Variants in ASIC2 observed in about 807,000 individuals in gnomAD.
The protein encoded by ASIC2 is acid sensing ion channel subunit 2.
A neutral mutation model predicts 57.3 loss-of-function variants in ASIC2; 25 were observed. The observed-to-expected ratio is 0.44, with a 90% CI of 0.32 to 0.61. The LOEUF (loss-of-function observed/expected upper bound fraction) is 0.61, where lower values mean the gene tolerates loss of function less well. Ranked by LOEUF, ASIC2 falls within the 20% of genes least tolerant of loss-of-function variation. The probability of loss-of-function intolerance (pLI) is 0.06; values close to 1 mark genes in which losing one functional copy is unlikely to be tolerated. For synonymous variants in ASIC2, 319 were observed against 307.5 expected (o/e 1.04, Z -0.39); for missense variants, 641 against 738.1 (o/e 0.87, Z 1.52).
At chr17:34,122,372 G>A (rs1487417108) in intron 1 of ASIC2, among the ~76,000 whole-genome samples, 2 of 152,220 alleles carry the variant, frequency 1.3e-5, no homozygotes, top group South Asian at 2.1e-4. Flanking sequence ...AATGAATGAA[G>A]GAATGAGCCA....
At chr17:33,256,929 G>C (rs1027824931) in intron 1 of ASIC2, among the ~76,000 whole-genome samples, 1 of 152,184 alleles carries the variant, frequency 6.6e-6, no homozygotes, top group Non-Finnish European at 1.5e-5. Flanking sequence ...GGTTCGCTGG[G>C]AGGTGATAGT....
chr17:33,945,445 C>T (rs2141981518), intron 1 of ASIC2, among the ~76,000 whole-genome samples: 1 of 151,826 alleles, frequency 6.6e-6, no homozygotes. Flanking sequence ...AAGTTTGGAG[C>T]CAGGAAAATG....
intron 1 of ASIC2, among the ~76,000 whole-genome samples, chr17:34,029,222 A>C (rs1371243306): frequency 6.6e-6 from 1 of 152,092 alleles, no homozygotes; most frequent in Non-Finnish European, 1.5e-5. Flanking sequence ...TCTTGTCTAC[A>C]TTCTAGGAAG....
At chr17:33,715,839 A>C (rs1262040851) in intron 1 of ASIC2, among the ~76,000 whole-genome samples, 2 of 152,136 alleles carry the variant, frequency 1.3e-5, no homozygotes, top group Admixed American at 1.3e-4. Flanking sequence ...GAAGAGCCAA[A>C]CCACATTGAT....
chr17:33,078,288 G>A (rs1315192822), intron 3 of ASIC2, among the ~76,000 whole-genome samples: 1 of 152,158 alleles, frequency 6.6e-6, no homozygotes, highest in Non-Finnish European at 1.5e-5. Context: ...GTGAGGGTGG[G>A]CACCACCAAG....
rs556157630 is a variant in ASIC2 at position 33,742,703 on chromosome 17, G to T, written c.555+413275C>A. On this transcript the variant is annotated intron_variant, in intron 1 of 9. Coordinates refer to the ASIC2 transcript ENST00000359872. The stretch of plus-strand genomic sequence containing the variant: ...AATGGGTGGCGTGGCCCAGAACATA[G>T]CTCTCCCCAGGCATAATGGGTTCTG... 1.1e-3 allele frequency among the ~76,000 whole-genome samples: 168 copies of T among 152,278 alleles called. 1 individual carries two copies. The highest frequency in any genetic ancestry group is 3.7e-3 in the African/African-American group (153 of 41,546).
intron 1 of ASIC2, among the ~76,000 whole-genome samples, chr17:33,645,244 C>T (rs72811184): frequency 0.046 from 7,073 of 152,206 alleles, 196 homozygotes; most frequent in South Asian, 0.12. Flanking sequence ...AATCCCTGGG[C>T]TCCTAATTCA....
intron 1 of ASIC2, among the ~76,000 whole-genome samples, chr17:33,747,605 C>G (rs1293320888): frequency 6.6e-6 from 1 of 152,164 alleles, no homozygotes; most frequent in East Asian, 1.9e-4. Context: ...GAAGATCATG[C>G]TACTCTTGCT....
At chr17:33,779,377 T>C (rs977113601) in intron 1 of ASIC2, among the ~76,000 whole-genome samples, 2 of 152,212 alleles carry the variant, frequency 1.3e-5, no homozygotes, top group Non-Finnish European at 2.9e-5. Context: ...ATCTCTGTTT[T>C]ATTATCAATG....
intron 1 of ASIC2, among the ~76,000 whole-genome samples, chr17:34,103,804 A>C (rs1910951091): frequency 6.6e-6 from 1 of 152,292 alleles, no homozygotes; most frequent in East Asian, 1.9e-4. Flanking sequence ...GGTCTGCTGC[A>C]GTGATTGATG....
intron 1 of ASIC2, among the ~76,000 whole-genome samples, chr17:34,049,092 G>C (rs1206189697): frequency 6.6e-6 from 1 of 152,090 alleles, no homozygotes; most frequent in East Asian, 1.9e-4. Flanking sequence ...GAGCCCAGGA[G>C]TTCAAGACTA....
At chr17:33,760,297 T>A (rs1910742175) in intron 1 of ASIC2, among the ~76,000 whole-genome samples, 1 of 152,142 alleles carries the variant, frequency 6.6e-6, no homozygotes, top group South Asian at 2.1e-4. Context: ...TATATAGTAT[T>A]TATAAATAAT....
chr17:33,406,389 A>C (rs373917244), intron 1 of ASIC2, among the ~76,000 whole-genome samples: 3 of 152,188 alleles, frequency 2.0e-5, no homozygotes, highest in African/African-American at 7.2e-5. Flanking sequence ...AATTATAAAT[A>C]ATGATGGGTG....
intron 1 of ASIC2, among the ~76,000 whole-genome samples, chr17:33,570,824 A>C (rs1015997858): frequency 1.3e-5 from 2 of 152,076 alleles, no homozygotes; most frequent in African/African-American, 2.4e-5. Flanking sequence ...TCCATGTGGC[A>C]TCTCATCCTC....
intron 1 of ASIC2, among the ~76,000 whole-genome samples, chr17:33,226,328 C>T (rs940469699): frequency 8.5e-5 from 13 of 152,170 alleles, no homozygotes; most frequent in African/African-American, 3.1e-4. Context: ...TATACACTAA[C>T]TCTGTTATGA....
intron 1 of ASIC2, among the ~76,000 whole-genome samples, chr17:33,981,139 AC>A (rs1333609916): frequency 6.6e-6 from 1 of 151,380 alleles, no homozygotes; most frequent in Non-Finnish European, 1.5e-5. Flanking sequence ...TTTAGTAGAG[AC>A]GGGGTTTCAC....
chr17:33,683,915 A>C (rs1019061604), intron 1 of ASIC2, among the ~76,000 whole-genome samples: 3 of 152,184 alleles, frequency 2.0e-5, no homozygotes, highest in Admixed American at 6.5e-5. Context: ...TAACAACCCT[A>C]TCTACAAATA....
chr17:33,785,447 A>G (rs759152612), intron 1 of ASIC2, among the ~76,000 whole-genome samples: 1 of 152,174 alleles, frequency 6.6e-6, no homozygotes, highest in Non-Finnish European at 1.5e-5. Flanking sequence ...AGATGAAGAC[A>G]CTGAGGCTTA....
chr17:34,024,843 C>G (rs898416883), intron 1 of ASIC2, among the ~76,000 whole-genome samples: 4 of 152,196 alleles, frequency 2.6e-5, no homozygotes, highest in African/African-American at 9.7e-5. Context: ...CTTGAATCCT[C>G]TCTTGGAAGC....
Sources: allele counts gnomAD v4.1 joint callset (sites outside exome capture counted in the v4.1 genomes callset), GRCh38; gene constraint gnomAD v4.1.1; transcripts MANE v1.5; gene names NCBI Gene and HGNC (gene_info 2026-07-23, HGNC 2026-07-21).